DEFB119: variants seen among roughly 807,000 people sequenced by gnomAD.
DEFB119 encodes beta-defensin 119.
In DEFB119, 3 loss-of-function variants were observed where a neutral mutation model predicts 2.5. The observed-to-expected ratio is 1.19, with a 90% CI of 0.54 to 3.07. The LOEUF (loss-of-function observed/expected upper bound fraction) is 3.07, where lower values mean the gene tolerates loss of function less well. Among genes scored for constraint, DEFB119 ranks in the 30% most tolerant of loss-of-function variants. The pLI is 0.03. For synonymous variants in DEFB119, 29 were observed against 33.7 expected, an observed-to-expected ratio of 0.86 and a Z score of 0.48; for missense variants, 113 against 101.1, an observed-to-expected ratio of 1.12 and a Z score of -0.50.
chr20:31,380,813 C>T (rs2122292259), intron 1 of DEFB119, among the ~76,000 whole-genome samples: 1 of 152,262 alleles, frequency 6.6e-6, no homozygotes, highest in East Asian at 1.9e-4. Flanking sequence ...ACCACACAAT[C>T]TCAATTACTA....
intron 1 of DEFB119, among the ~76,000 whole-genome samples, chr20:31,381,945 G>A (rs898497960): frequency 3.3e-5 from 5 of 152,336 alleles, no homozygotes; most frequent in African/African-American, 1.2e-4. Flanking sequence ...GTTACCAAGG[G>A]TTAAGCATAG....
At chr20:31,389,039 T>C (rs1986820970) in intron 1 of DEFB119, 1 of 1,614,176 alleles carries the variant, frequency 6.2e-7, no homozygotes. Context: ...CTATTAGTTA[T>C]ATTTGTCTTC....
At chr20:31,384,679 G>C (rs934261385) in intron 1 of DEFB119, among the ~76,000 whole-genome samples, 2 of 152,186 alleles carry the variant, frequency 1.3e-5, no homozygotes, top group African/African-American at 4.8e-5. Context: ...CCTCTAGTCT[G>C]CAAGTGTGCT....
intron 1 of DEFB119, 116 bp downstream of exon 1, chr20:31,390,307 C>T: frequency 1.0e-6 from 1 of 975,832 alleles, no homozygotes; most frequent in Non-Finnish European, 1.6e-6. Flanking sequence ...CTGGGCAAAC[C>T]TCCCGAAGCT....
chr20:31,385,074 G>A (rs1295323868), intron 1 of DEFB119, among the ~76,000 whole-genome samples: 1 of 152,144 alleles, frequency 6.6e-6, no homozygotes, highest in African/African-American at 2.4e-5. Flanking sequence ...AAACATTTCT[G>A]CCTTAGACCC....
Position 31,377,378 on chromosome 20 carries a change from C to T in DEFB119, c.123G>A (p.Lys41=). ...NSGICRASCK[K]NEQPYLYCRN... The stretch of plus-strand genomic sequence containing the variant: ...TGCAATAGAGGTAGGGCTGTTCGTT[C>T]TTTTTGCAAGAGGCCCTACAAATTC... Residue 41 remains lysine, a synonymous_variant, in exon 2 of 2, where the codon AAG becomes AAA. Coordinates refer to ENST00000376321, the MANE Select transcript of DEFB119 (RefSeq NM_153289.4). 1 of 1,614,026 alleles carries T rather than the reference C, an allele frequency of 6.2e-7. No individual in the cohort carries two copies. Among genetic ancestry groups the T allele is most frequent in the Non-Finnish European group, 8.5e-7 (1 of 1,179,982 alleles).
intron 1 of DEFB119, among the ~76,000 whole-genome samples, chr20:31,389,470 T>G (rs895450026): frequency 6.6e-6 from 1 of 152,112 alleles, no homozygotes; most frequent in Non-Finnish European, 1.5e-5. Flanking sequence ...CTTCTCACCC[T>G]TCTGTCTTCC....
At chr20:31,387,572 G>C (rs1409375503) in intron 1 of DEFB119, among the ~76,000 whole-genome samples, 1 of 152,146 alleles carries the variant, frequency 6.6e-6, no homozygotes, top group East Asian at 1.9e-4. Flanking sequence ...TCCGAGGGAA[G>C]CCTGCCCAGC....
chr20:31,384,520 A>T (rs980215131), intron 1 of DEFB119, among the ~76,000 whole-genome samples: 2 of 152,252 alleles, frequency 1.3e-5, no homozygotes, highest in African/African-American at 4.8e-5. Flanking sequence ...GAGTTCTTAT[A>T]TGAAGATCTG....
intron 1 of DEFB119, 134 bp downstream of exon 1, chr20:31,390,288 GA>G (rs1340790580): frequency 3.6e-6 from 3 of 827,032 alleles, no homozygotes; most frequent in African/African-American, 3.5e-5. Context: ...ATATTAACTT[GA>G]GATGATCCTG....
chr20:31,385,634 A>C lies in DEFB119; in HGVS notation c.61+4789T>G, dbSNP rs1288558312. Among the ~76,000 whole-genome samples the C allele has an allele frequency of 3.9e-5, 6 of 152,276 alleles. No homozygotes were observed. In the East Asian group the frequency reaches 1.2e-3, roughly 29 times the overall value. ...GTAATCCCAGCACTTTGGGATGCTGAGGCAGGTGGATCACTGGAGCCCAGG... is the reference window on the plus strand; with the variant it reads ...GTAATCCCAGCACTTTGGGATGCTGCGGCAGGTGGATCACTGGAGCCCAGG... On this transcript the variant is annotated intron_variant, in intron 1 of 1. Transcript: ENST00000376321.
rs1056307814 is a variant in DEFB119, at chr20:31,378,287, C to G, written c.62-848G>C. On this transcript the variant is annotated intron_variant, in intron 1 of 1. Transcript: ENST00000376321. ...TGTGACTTGGAGGCCACACGGGGAA[C>G]AGAACATCCCTCCCCATCCCAACCA... 2.5e-6 allele frequency: 4 copies of G among 1,611,722 alleles called. No individual in the cohort carries two copies. In the Admixed American group the frequency reaches 6.7e-5, roughly 27 times the overall value.
At chr20:31,389,501 CT>C (rs1022685268) in intron 1 of DEFB119, among the ~76,000 whole-genome samples, 1 of 152,106 alleles carries the variant, frequency 6.6e-6, no homozygotes, top group East Asian at 1.9e-4. Context: ...CTTCCTACTC[CT>C]TACTTTGGAA....
At chr20:31,386,398 G>C (rs1265406269) in intron 1 of DEFB119, among the ~76,000 whole-genome samples, 2 of 152,068 alleles carry the variant, frequency 1.3e-5, no homozygotes, top group East Asian at 3.9e-4. Context: ...GAAGTGGGCT[G>C]AAAAATAGAT....
chr20:31,384,037 A>G (rs1986601362), intron 1 of DEFB119, among the ~76,000 whole-genome samples: 1 of 152,084 alleles, frequency 6.6e-6, no homozygotes. Flanking sequence ...TTCATAAATT[A>G]CCCAGTCTTG....
chr20:31,386,992 G>A (rs1019177166), intron 1 of DEFB119, among the ~76,000 whole-genome samples: 7 of 151,770 alleles, frequency 4.6e-5, no homozygotes, highest in Non-Finnish European at 1.0e-4. Context: ...ATTTAGTAGA[G>A]ACAGGGTTTC....
chr20:31,384,159 A>C (rs1008911114), intron 1 of DEFB119, among the ~76,000 whole-genome samples: 1 of 152,230 alleles, frequency 6.6e-6, no homozygotes, highest in African/African-American at 2.4e-5. Flanking sequence ...GGAGCTTCTT[A>C]AGAGTAAATT....
chr20:31,387,227 C>A (rs1281654525), intron 1 of DEFB119, among the ~76,000 whole-genome samples: 1 of 152,120 alleles, frequency 6.6e-6, no homozygotes, highest in Admixed American at 6.5e-5. Context: ...ACTTTCTATA[C>A]GTTTATTGAA....
At chr20:31,385,295 GAT>G (rs1986650691) in intron 1 of DEFB119, among the ~76,000 whole-genome samples, 1 of 145,166 alleles carries the variant, frequency 6.9e-6, no homozygotes, top group African/African-American at 2.6e-5. Flanking sequence ...CATATCAAGT[GAT>G]AATCCAATGT....
Sources: allele counts gnomAD v4.1 joint callset (sites outside exome capture counted in the v4.1 genomes callset), GRCh38; gene constraint gnomAD v4.1.1; transcripts MANE v1.5; gene names NCBI Gene and HGNC (gene_info 2026-07-23, HGNC 2026-07-21).